The following KAT6A variants were observed in gnomAD, a reference collection of about 807,000 sequenced individuals.
KAT6A encodes the protein lysine acetyltransferase 6A, also known as histone acetyltransferase KAT6A.
KAT6A carries 9 observed loss-of-function variants against 198.4 expected under a neutral mutation model. That is an observed-to-expected ratio of 0.05 (90% CI 0.03 to 0.08). The LOEUF (loss-of-function observed/expected upper bound fraction) is 0.08, where lower values mean the gene tolerates loss of function less well. Among genes scored for constraint, KAT6A ranks in the 10% least tolerant of loss-of-function variants. The pLI, the probability that KAT6A is intolerant of heterozygous loss-of-function variation, is 1.00. For synonymous variants in KAT6A, 890 were observed against 883.0 expected (o/e 1.01, Z -0.14); for missense variants, 2,077 against 2,509.9 (o/e 0.83, Z 3.69).
rs1821437727 is a variant in KAT6A, at chr8:41,929,872, T to C, written c.*2333A>G. Reference sequence around the variant, plus strand: ...AAGATAAAAAATTTTAAAGATGGAATGAAATGAAAAAGCTCTTATTTTAAA... The same window carrying C: ...AAGATAAAAAATTTTAAAGATGGAACGAAATGAAAAAGCTCTTATTTTAAA... On this transcript the variant is annotated 3_prime_UTR_variant, in exon 17 of 17. Transcript: ENST00000265713. 1 of 206,454 alleles carries C rather than the reference T, an allele frequency of 4.8e-6. No individual in the cohort carries two copies. Among genetic ancestry groups the C allele is most frequent in the Admixed American group, 5.9e-5 (1 of 16,812 alleles). 12.8% of individuals were successfully genotyped at this position (206,454 alleles called of 1,614,324 possible).
chr8:41,988,958 AT>A, intron 2 of KAT6A, among the ~76,000 whole-genome samples: 1 of 152,294 alleles, frequency 6.6e-6, no homozygotes, highest in Middle Eastern at 3.4e-3. Flanking sequence ...AAGTATCGAG[AT>A]GCTTTTAGTC....
chr8:42,011,490 C>A (rs966253280), intron 2 of KAT6A, among the ~76,000 whole-genome samples: 9 of 152,124 alleles, frequency 5.9e-5, no homozygotes, highest in African/African-American at 1.9e-4. Flanking sequence ...GTAATCCCAG[C>A]ACTTTGGGAG....
At position 41,943,691 on chromosome 8, in the gene KAT6A, C is replaced by A. The variant is rs1181004607; in HGVS notation, c.2228+57G>T. On this transcript the variant is annotated intron_variant, in intron 13 of 16. Transcript: ENST00000265713. Reference sequence around the variant, plus strand: ...TTCATCAATAATCTGACTGGCTGATCCAAAAAACTTCAACCTAATTATCTT... The same window carrying A: ...TTCATCAATAATCTGACTGGCTGATACAAAAAACTTCAACCTAATTATCTT... The A allele has an allele frequency of 3.4e-5, 41 of 1,198,360 alleles. No homozygotes were observed. The East Asian group carries it at 6.3e-4, about 18-fold the overall frequency. The allele number at this position is 1,198,360 out of a possible 1,614,324, so 74.2% of individuals were successfully genotyped here. A position where few individuals can be genotyped will look rare whatever the true frequency, so the allele number is the denominator to read the frequency against.
intron 12 of KAT6A, among the ~76,000 whole-genome samples, chr8:41,945,228 C>T (rs1429343672): frequency 6.6e-6 from 1 of 151,604 alleles, no homozygotes; most frequent in Non-Finnish European, 1.5e-5. Context: ...AAAATGCACA[C>T]ATTTTCTCAG....
chr8:41,946,529 C>CACACACACACACACAT lies in KAT6A; in HGVS notation c.1996+61_1996+62insATGTGTGTGTGTGTGT, dbSNP rs1554682545. Reference sequence around the variant, plus strand: ...ACACACACACACACACACACACACACACACACACACACAGAGAAGGTCCAC... The same window carrying CACACACACACACACAT: ...ACACACACACACACACACACACACACACACACACACACACATACACACACACACAGAGAAGGTCCAC... On this transcript the variant is annotated intron_variant, in intron 12 of 16. Transcript: ENST00000265713. 1.1e-3 allele frequency: 784 copies of CACACACACACACACAT among 682,438 alleles called. 13 individuals are homozygous for CACACACACACACACAT. The African/African-American group carries it at 0.014, about 12-fold the overall frequency. The allele number at this position is 682,438 out of a possible 1,614,324, so 42.3% of individuals were successfully genotyped here. A position where few individuals can be genotyped will look rare whatever the true frequency, so the allele number is the denominator to read the frequency against.
Position 41,941,354 on chromosome 8 carries a change from A to C in KAT6A, c.2527T>G (p.Ser843Ala). Residue 843 changes from serine (S) to alanine (A), a missense_variant, in exon 15 of 17, where the codon TCT (serine) becomes GCT (alanine). Physicochemically the swap from Ser to Ala is moderately conservative, Grantham distance 99. This residue lies in a region of KAT6A where 301 missense variants were observed against 272.2 expected (regional missense o/e 1.11). Coordinates refer to ENST00000265713, the MANE Select transcript of KAT6A (RefSeq NM_006766.5). ...KKPEVMAPVSSTRLSKQVLPH... is the reference protein window; with the variant it reads ...KKPEVMAPVSATRLSKQVLPH... ...AGGACTTGTTTGCTCAAACGTGTAG[A>C]ACTGACTGGAGCCATAACTTCTGGT... 2 of 1,612,640 alleles carry C rather than the reference A, an allele frequency of 1.2e-6. No individual in the cohort carries two copies.
intron 16 of KAT6A, among the ~76,000 whole-genome samples, chr8:41,936,954 C>T (rs1436307880): frequency 6.6e-6 from 1 of 152,208 alleles, no homozygotes; most frequent in Non-Finnish European, 1.5e-5. Context: ...CTAAGTCCAA[C>T]TCTCCCATTA....
chr8:42,010,402 T>C (rs35000391), intron 2 of KAT6A, among the ~76,000 whole-genome samples: 24,962 of 152,132 alleles, frequency 0.16, 2,791 homozygotes, highest in Non-Finnish European at 0.24. Context: ...TATGAGAAAG[T>C]AGAAATTGGG....
intron 8 of KAT6A, among the ~76,000 whole-genome samples, chr8:41,969,207 A>G (rs903452383): frequency 6.6e-6 from 1 of 152,228 alleles, no homozygotes; most frequent in Non-Finnish European, 1.5e-5. Flanking sequence ...TACCAAAGAC[A>G]CTGTAATAAA....
chr8:41,944,071 AG>A, intron 12 of KAT6A, 92 bp from the exon 13 acceptor site: 1 of 796,810 alleles, frequency 1.3e-6, no homozygotes, highest in Non-Finnish European at 2.0e-6. Flanking sequence ...TCTACAACCA[AG>A]AATAACTCCA....
At chr8:41,983,727 G>C (rs1292353556) in intron 3 of KAT6A, among the ~76,000 whole-genome samples, 2 of 152,198 alleles carry the variant, frequency 1.3e-5, no homozygotes, top group African/African-American at 4.8e-5. Context: ...CAAAAACTAT[G>C]ATATAATATG....
chr8:41,978,617 T>C (rs1824187810), intron 6 of KAT6A, 25 bp downstream of exon 6: 1 of 1,612,204 alleles, frequency 6.2e-7, no homozygotes, highest in Admixed American at 1.7e-5. Flanking sequence ...TTTTCTCCCC[T>C]CACCTTGCCA....
intron 2 of KAT6A, among the ~76,000 whole-genome samples, chr8:42,015,532 C>T (rs1485680165): frequency 1.3e-5 from 2 of 152,182 alleles, no homozygotes; most frequent in Non-Finnish European, 2.9e-5. Context: ...AATTAGTGAT[C>T]TAGAAAGCTT....
At position 41,941,017 on chromosome 8, in the gene KAT6A, G is replaced by C. The variant is rs761588463; in HGVS notation, c.2864C>G (p.Pro955Arg). The C allele has an allele frequency of 5.1e-5, 83 of 1,614,000 alleles. No homozygotes were observed. In the South Asian group the frequency reaches 7.1e-4, roughly 14 times the overall value. The change falls in exon 15 of 17, where the codon CCT becomes CGT. Residue 955 changes from proline to arginine, a missense_variant. Physicochemically the swap from Pro to Arg is moderately radical, Grantham distance 103 (BLOSUM62 -2). Transcript: ENST00000265713. ...EPWRGQLKKS[P>R]EALKCRLTEG... ...TGTTAATCTGCACTTCAGAGCCTCA[G>C]GGCTTTTCTTGAGCTGTCCTCGCCA... is the stretch of plus-strand genomic sequence containing the variant.
At position 41,930,173 on chromosome 8, in the gene KAT6A, C is replaced by A; in HGVS notation, c.*2032G>T. On this transcript the variant is annotated 3_prime_UTR_variant, in exon 17 of 17. Coordinates refer to ENST00000265713, the MANE Select transcript of KAT6A (RefSeq NM_006766.5). ...AAACACAACCGCAAACCAACAGAAA[C>A]TGATTTCACGGCCCTCATTTCAACA... 1 of 215,262 alleles carries A rather than the reference C, an allele frequency of 4.6e-6. No individual in the cohort carries two copies. Among genetic ancestry groups the A allele is most frequent in the East Asian group, 6.7e-5 (1 of 15,004 alleles). The allele number at this position is 215,262 out of a possible 1,614,324, so 13.3% of individuals were successfully genotyped here.
chr8:42,051,407 C>T (rs1360974567), intron 1 of KAT6A, among the ~76,000 whole-genome samples: 1 of 151,060 alleles, frequency 6.6e-6, no homozygotes, highest in Non-Finnish European at 1.5e-5. Flanking sequence ...AGCCGGAACC[C>T]GAGCCCGAGC....
At chr8:42,044,098 CT>C (rs36067311) in intron 2 of KAT6A, among the ~76,000 whole-genome samples, 13,407 of 127,830 alleles carry the variant, frequency 0.1, 388 homozygotes, top group East Asian at 0.23. Context: ...TGGGTAAAAA[CT>C]TTTTTTTTTT....
At position 41,930,728 on chromosome 8, in the gene KAT6A, A is replaced by ATTTTTT. The variant is rs555392181; in HGVS notation, c.*1471_*1476dup. 1 of 67,564 alleles carries ATTTTTT rather than the reference A, an allele frequency of 1.5e-5. No homozygotes were observed. 4.2% of individuals were successfully genotyped at this position (67,564 alleles called of 1,614,324 possible). On this transcript the variant is annotated 3_prime_UTR_variant, in exon 17 of 17. Transcript: ENST00000265713. Reference sequence around the variant, plus strand: ...TGTGTGTGTATATATATATATATATATTTTTTTTTTTTTTTTTTTTTTTTT... The same window carrying ATTTTTT: ...TGTGTGTGTATATATATATATATATATTTTTTTTTTTTTTTTTTTTTTTTTTTTTTT...
At chr8:42,009,472 C>T (rs886818931) in intron 2 of KAT6A, among the ~76,000 whole-genome samples, 2 of 151,274 alleles carry the variant, frequency 1.3e-5, no homozygotes, top group African/African-American at 2.4e-5. Flanking sequence ...ACATAAAAGA[C>T]CATAACAAGT....
Sources: allele counts gnomAD v4.1 joint callset (sites outside exome capture counted in the v4.1 genomes callset), GRCh38; gene constraint gnomAD v4.1.1; regional missense constraint gnomAD v4.1.1; transcripts MANE v1.5; gene names NCBI Gene and HGNC (gene_info 2026-07-23, HGNC 2026-07-21).